RASA2: variants seen among roughly 807,000 people sequenced by gnomAD.
RASA2 encodes the protein RAS p21 protein activator 2.
In RASA2, 155 loss-of-function variants were observed where a neutral mutation model predicts 118.2. The ratio of observed to expected loss-of-function variants is 1.31; its 90% CI spans 1.15 to 1.50. RASA2 has a LOEUF of 1.50. RASA2 is among the 40% of genes most tolerant of loss of function. RASA2 has a pLI of 0.00. For synonymous variants in RASA2, 353 were observed against 349.1 expected, an observed-to-expected ratio of 1.01 and a Z score of -0.12; for missense variants, 1,016 against 1,009.6, an observed-to-expected ratio of 1.01 and a Z score of -0.09.
At chr3:141,543,869 CTTTT>C (rs1348866904) in intron 5 of RASA2, among the ~76,000 whole-genome samples, 4 of 112,026 alleles carry the variant, frequency 3.6e-5, no homozygotes, top group African/African-American at 1.6e-4. Context: ...TTCTTTCTTT[CTTTT>C]TTCTTTTTTT....
intron 9 of RASA2, among the ~76,000 whole-genome samples, chr3:141,569,681 G>C (rs61121976): frequency 0.039 from 5,955 of 152,128 alleles, 400 homozygotes; most frequent in African/African-American, 0.14. Flanking sequence ...GTACAGGTTT[G>C]TTACATGGGT....
chr3:141,584,663 G>A lies in RASA2; in HGVS notation c.1753-1362G>A, dbSNP rs545434745. 3.3e-5 allele frequency among the ~76,000 whole-genome samples: 5 copies of A among 152,272 alleles called. No individual in the cohort carries two copies. In the South Asian group the frequency reaches 8.3e-4, roughly 25 times the overall value. ...AAACTCTTTTCTGTAAAGGGACAGT[G>A]AGAAAATATTTTAGGCTTTGCTGAT... On this transcript the variant is annotated intron_variant, in intron 17 of 23. Transcript: ENST00000286364.
chr3:141,555,136 C>G (rs1487450825), intron 6 of RASA2, among the ~76,000 whole-genome samples: 1 of 152,144 alleles, frequency 6.6e-6, no homozygotes, highest in Non-Finnish European at 1.5e-5. Flanking sequence ...TGGCTCATGC[C>G]TGTAATCCCA....
intron 10 of RASA2, 129 bp from the exon 11 acceptor site, chr3:141,571,276 AT>A (rs1308102206): frequency 2.5e-5 from 34 of 1,360,080 alleles, no homozygotes; most frequent in Non-Finnish European, 3.2e-5. Flanking sequence ...CTGATAAAAA[AT>A]TTCGAAAATT....
In RASA2 at chr3:141,570,985, A is replaced by G. The variant is rs754382752; in HGVS notation, c.937A>G (p.Ile313Val). 2.5e-6 allele frequency: 4 copies of G among 1,612,636 alleles called. No homozygotes were observed. The highest frequency in any genetic ancestry group is 2.2e-5 in the East Asian group (1 of 44,762). The change falls in exon 10 of 24, where the codon ATA (isoleucine) becomes GTA (valine). Residue 313 changes from isoleucine (I) to valine (V), a missense_variant. Physicochemically the swap from Ile to Val is conservative, Grantham distance 29 (BLOSUM62 3). This residue lies in a region of RASA2 where 896 missense variants were observed against 836.4 expected (regional missense o/e 1.07). Coordinates refer to ENST00000286364, the MANE Select transcript of RASA2 (RefSeq NM_006506.5). The part of the protein sequence containing the change: ...TDDLGSLRLN[I>V]CYTEDYVLPS... ...TGACCTGGGGTCTCTTCGATTAAAT[A>G]TATGTTATACAGAAGACTACGTGCT...
At position 141,580,973 on chromosome 3, in the gene RASA2, G is replaced by T. The variant is rs536167394; in HGVS notation, c.1675-127G>T. The stretch of plus-strand genomic sequence containing the variant: ...CTTTGAAAGAAGTCTTCCACTCCAA[G>T]CCCTGAACTCTCTGAAAATATATAA... On this transcript the variant is annotated intron_variant, in intron 16 of 23. Transcript: ENST00000286364. 3.4e-5 allele frequency: 35 copies of T among 1,030,178 alleles called. No homozygotes were observed. In the African/African-American group the frequency reaches 5.1e-4, roughly 15 times the overall value. The allele number at this position is 1,030,178 out of a possible 1,614,324, so 63.8% of individuals were successfully genotyped here. A position where few individuals can be genotyped will look rare whatever the true frequency, so the allele number is the denominator to read the frequency against.
At position 141,516,533 on chromosome 3, in the gene RASA2, ATC is replaced by A. The variant is rs375340097; in HGVS notation, c.355+106_355+107del. 5 of 880,672 alleles carry A rather than the reference ATC, an allele frequency of 5.7e-6. No homozygotes were observed. The African/African-American group carries it at 8.9e-5, about 16-fold the overall frequency. 54.6% of individuals were successfully genotyped at this position (880,672 alleles called of 1,614,324 possible). ...AATTGCAGAATAATATATGCTCAACATCTCTGATCTTTTTCTGTAGACTACAT... is the reference window on the plus strand; with the variant it reads ...AATTGCAGAATAATATATGCTCAACATCTGATCTTTTTCTGTAGACTACAT... On this transcript the variant is annotated intron_variant, in intron 3 of 23. Coordinates refer to ENST00000286364, the MANE Select transcript of RASA2 (RefSeq NM_006506.5).
intron 22 of RASA2, 26 bp from the exon 23 acceptor site, chr3:141,609,851 G>T: frequency 6.6e-7 from 1 of 1,511,320 alleles, no homozygotes; most frequent in South Asian, 1.4e-5. Flanking sequence ...TGTCTGATCA[G>T]AGATTTATTT....
chr3:141,518,482 C>CAAAAAAAAAAAAAAA (rs777543417), intron 3 of RASA2, among the ~76,000 whole-genome samples: 2 of 27,048 alleles, frequency 7.4e-5, no homozygotes, highest in African/African-American at 1.3e-4. Context: ...GACACCATCT[C>CAAAAAAAAAAAAAAA]AAAAAAAAAA....
intron 9 of RASA2, among the ~76,000 whole-genome samples, chr3:141,566,756 G>GC (rs1263758952): frequency 6.6e-6 from 1 of 151,896 alleles, no homozygotes; most frequent in Non-Finnish European, 1.5e-5. Context: ...ATTTTGTTTG[G>GC]CATTGCCTTT....
rs1258938881 is a variant in RASA2 at position 141,556,118 on chromosome 3, A to G, written c.684+206A>G. Among the ~76,000 whole-genome samples, 3 of 152,356 alleles carry G rather than the reference A, an allele frequency of 2.0e-5. No individual in the cohort carries two copies. The East Asian group carries it at 5.8e-4, about 29-fold the overall frequency. ...AAAGGCAGAGCTCTAATTTGGGAGC[A>G]GGAAGGGCCAGGGCCATACCCACTC... On this transcript the variant is annotated intron_variant, in intron 7 of 23. Coordinates refer to ENST00000286364, the MANE Select transcript of RASA2 (RefSeq NM_006506.5).
chr3:141,520,415 A>G (rs993678027), intron 3 of RASA2, among the ~76,000 whole-genome samples: 1 of 152,184 alleles, frequency 6.6e-6, no homozygotes, highest in Non-Finnish European at 1.5e-5. Flanking sequence ...AGCTGAGGAT[A>G]TAAATTGGGA....
Position 141,502,142 on chromosome 3 carries a change from A to G in RASA2, c.134-10021A>G, listed in dbSNP as rs146012131. On this transcript the variant is annotated intron_variant, in intron 1 of 23. Transcript: ENST00000286364. Reference sequence around the variant, plus strand: ...ATTTCAAAATGTAAAAACATTTGAAATCTGAAATACTTCTGGTCCTAAGCA... The same window carrying G: ...ATTTCAAAATGTAAAAACATTTGAAGTCTGAAATACTTCTGGTCCTAAGCA... Among the ~76,000 whole-genome samples, 662 of 152,326 alleles carry G rather than the reference A, an allele frequency of 4.3e-3. 7 individuals carry two copies. Among genetic ancestry groups the G allele is most frequent in the East Asian group, 0.029 (148 of 5,190 alleles).
At chr3:141,611,989 C>T (rs551509516) in intron 23 of RASA2, among the ~76,000 whole-genome samples, 2 of 152,272 alleles carry the variant, frequency 1.3e-5, no homozygotes, top group African/African-American at 2.4e-5. Flanking sequence ...TAAAAAATAT[C>T]AACCTCTACC....
intron 14 of RASA2, among the ~76,000 whole-genome samples, chr3:141,575,469 A>G (rs2082995299): frequency 6.6e-6 from 1 of 152,230 alleles, no homozygotes; most frequent in African/African-American, 2.4e-5. Flanking sequence ...TGATAACCAC[A>G]TTGACTACTT....
At chr3:141,533,891 A>G (rs1456771618) in intron 4 of RASA2, among the ~76,000 whole-genome samples, 2 of 152,224 alleles carry the variant, frequency 1.3e-5, no homozygotes, top group Admixed American at 1.3e-4. Flanking sequence ...TACCAATGAC[A>G]TTGTGTCAAT....
chr3:141,573,025 C>G, intron 12 of RASA2, 122 bp from the exon 13 acceptor site: 1 of 837,376 alleles, frequency 1.2e-6, no homozygotes, highest in South Asian at 2.0e-5. Flanking sequence ...CTGCATAGGA[C>G]ATTTTACGCT....
intron 10 of RASA2, 93 bp downstream of exon 10, chr3:141,571,161 T>C (rs2082913507): frequency 7.4e-7 from 1 of 1,349,464 alleles, no homozygotes; most frequent in Non-Finnish European, 1.0e-6. Flanking sequence ...TATCAAGTCT[T>C]ATTAAAACAG....
At chr3:141,542,484 G>T (rs76565688) in intron 5 of RASA2, among the ~76,000 whole-genome samples, 1 of 151,998 alleles carries the variant, frequency 6.6e-6, no homozygotes, top group Non-Finnish European at 1.5e-5. Flanking sequence ...AGTGTTGGAG[G>T]CTGGCAGTTT....
Sources: allele counts gnomAD v4.1 joint callset (sites outside exome capture counted in the v4.1 genomes callset), GRCh38; gene constraint gnomAD v4.1.1; regional missense constraint gnomAD v4.1.1; transcripts MANE v1.5; gene names NCBI Gene and HGNC (gene_info 2026-07-23, HGNC 2026-07-21).